The following XKR9 variants were observed in gnomAD, a reference collection of about 807,000 sequenced individuals.
XKR9 encodes the protein XK-related protein 9.
In XKR9, 32 loss-of-function variants were observed where a neutral mutation model predicts 32.0. The ratio of observed to expected loss-of-function variants is 1.00; its 90% confidence interval spans 0.76 to 1.34. The LOEUF is 1.34. Among genes scored for constraint, XKR9 ranks in the 40% most tolerant of loss-of-function variants. The pLI is 0.00. For synonymous variants in XKR9, 168 were observed against 143.4 expected, an observed-to-expected ratio of 1.17 and a Z score of -1.22; for missense variants, 546 against 429.7, an observed-to-expected ratio of 1.27 and a Z score of -2.39.
chr8:70,697,375 T>G (rs1805321439), intron 3 of XKR9, among the ~76,000 whole-genome samples: 1 of 151,636 alleles, frequency 6.6e-6, no homozygotes, highest in African/African-American at 2.4e-5. Flanking sequence ...CCTAATTTAT[T>G]GAGAGTTTTT....
chr8:71,041,989 G>A, the XKR9 span, among the ~76,000 whole-genome samples: 2 of 152,172 alleles, frequency 1.3e-5, no homozygotes, highest in Non-Finnish European at 2.9e-5. Context: ...GAGGAAATAT[G>A]CCAATGAGGA....
chr8:70,780,955 T>C (rs1807607500), intron 2 of XKR9: 1 of 151,932 alleles, frequency 6.6e-6, no homozygotes, highest in African/African-American at 2.4e-5. Context: ...GTATACCAAC[T>C]TCAGTGATGC....
chr8:71,003,303 G>A, the XKR9 span, among the ~76,000 whole-genome samples: 18 of 152,092 alleles, frequency 1.2e-4, 1 homozygote, highest in African/African-American at 4.1e-4. Flanking sequence ...CAAATGAGTG[G>A]GGGGAAAAAG....
At chr8:71,024,136 T>A in the XKR9 span, among the ~76,000 whole-genome samples, 1 of 152,194 alleles carries the variant, frequency 6.6e-6, no homozygotes, top group South Asian at 2.1e-4. Context: ...TCCTGTTCAA[T>A]GTGTTTGGGT....
intron 4 of XKR9, among the ~76,000 whole-genome samples, chr8:70,733,558 A>C (rs1806742841): frequency 6.6e-6 from 1 of 152,248 alleles, no homozygotes; most frequent in African/African-American, 2.4e-5. Flanking sequence ...CTTTGGAATC[A>C]GGTTCAAATC....
the XKR9 span, among the ~76,000 whole-genome samples, chr8:70,894,148 A>G: frequency 8.6e-5 from 13 of 151,888 alleles, no homozygotes; most frequent in Non-Finnish European, 1.5e-5. Flanking sequence ...AATAGATCTC[A>G]GTGGCAACTT....
At chr8:70,798,733 A>G in the XKR9 span, among the ~76,000 whole-genome samples, 1 of 152,242 alleles carries the variant, frequency 6.6e-6, no homozygotes, top group Admixed American at 6.5e-5. Flanking sequence ...TACATGGTGT[A>G]AGGAAGAGGT....
In XKR9 at chr8:70,735,699, T is replaced by A. The variant is rs1358634094; in HGVS notation, c.*1275T>A. ...TCATTGTTCAGTTCCCACCTATGAG[T>A]GAGAATATGCAGTGTTTGGTTTTTT... is the stretch of plus-strand genomic sequence containing the variant. On this transcript the variant is annotated 3_prime_UTR_variant, in exon 5 of 5. Transcript: ENST00000408926. The A allele has an allele frequency of 6.8e-6, 1 of 146,046 alleles. No individual in the cohort carries two copies. Among genetic ancestry groups the A allele is most frequent in the African/African-American group, 2.5e-5 (1 of 39,518 alleles). 9.0% of individuals were successfully genotyped at this position (146,046 alleles called of 1,614,324 possible).
chr8:71,031,011 C>T, the XKR9 span, among the ~76,000 whole-genome samples: 7 of 152,010 alleles, frequency 4.6e-5, no homozygotes, highest in African/African-American at 1.7e-4. Flanking sequence ...GAAATAAATT[C>T]TCCTCCTCCT....
rs1248689791 is a variant in XKR9, at chr8:70,680,735, A to G, written c.-278-46A>G. 3.0e-5 allele frequency: 5 copies of G among 168,014 alleles called. No homozygotes were observed. In the Admixed American group the frequency reaches 3.0e-4, roughly 10 times the overall value. 10.4% of individuals were successfully genotyped at this position (168,014 alleles called of 1,614,324 possible). On this transcript the variant is annotated intron_variant, in intron 2 of 4. Coordinates refer to ENST00000408926, the MANE Select transcript of XKR9 (RefSeq NM_001011720.2). ...AAAATCATTGCCAAGCGTTTTTAATATTATACTTAAGATATTTTGGAACTT... is the reference window on the plus strand; with the variant it reads ...AAAATCATTGCCAAGCGTTTTTAATGTTATACTTAAGATATTTTGGAACTT...
At chr8:70,811,284 C>T in the XKR9 span, among the ~76,000 whole-genome samples, 3 of 152,020 alleles carry the variant, frequency 2.0e-5, no homozygotes, top group Admixed American at 2.0e-4. Flanking sequence ...GGGACACATT[C>T]AAAGCAGTGT....
At chr8:70,833,198 G>A in the XKR9 span, among the ~76,000 whole-genome samples, 1 of 152,176 alleles carries the variant, frequency 6.6e-6, no homozygotes, top group East Asian at 1.9e-4. Flanking sequence ...TCTGCAGATG[G>A]TGGAAAGAAA....
intron 1 of XKR9, among the ~76,000 whole-genome samples, chr8:70,671,941 C>G (rs2132092792): frequency 1.6e-5 from 1 of 64,206 alleles, no homozygotes; most frequent in East Asian, 2.4e-4. Context: ...AAACAGAGAG[C>G]CAAATCATGG....
At chr8:70,951,072 T>C in the XKR9 span, among the ~76,000 whole-genome samples, 1 of 152,192 alleles carries the variant, frequency 6.6e-6, no homozygotes, top group South Asian at 2.1e-4. Context: ...ATTATTCCTT[T>C]TATTGCAGCT....
At chr8:70,876,386 A>T in the XKR9 span, among the ~76,000 whole-genome samples, 1 of 151,862 alleles carries the variant, frequency 6.6e-6, no homozygotes, top group South Asian at 2.1e-4. Context: ...TAATTTTTGT[A>T]TTTTTAGTAG....
chr8:70,753,485 T>C (rs1807172080), intron 2 of XKR9, among the ~76,000 whole-genome samples: 1 of 152,168 alleles, frequency 6.6e-6, no homozygotes, highest in Non-Finnish European at 1.5e-5. Context: ...TAGACCAATA[T>C]CCTTGATGAA....
At chr8:70,916,951 A>C in the XKR9 span, among the ~76,000 whole-genome samples, 1 of 151,808 alleles carries the variant, frequency 6.6e-6, no homozygotes, top group Non-Finnish European at 1.5e-5. Context: ...TCATTAAAAC[A>C]TTTTTATTTT....
the XKR9 span, among the ~76,000 whole-genome samples, chr8:70,840,964 A>C: frequency 6.6e-6 from 1 of 152,202 alleles, no homozygotes. Context: ...TTTTGAGTCT[A>C]AATTCACAGG....
chr8:70,913,197 A>G, the XKR9 span, among the ~76,000 whole-genome samples: 4 of 152,176 alleles, frequency 2.6e-5, no homozygotes, highest in East Asian at 1.9e-4. Context: ...TACATTTTAA[A>G]TGTTTCCCAG....
Sources: gnomAD v4.1 joint callset for allele counts (sites outside exome capture counted in the v4.1 genomes callset) on GRCh38, gnomAD v4.1.1 for gene constraint, MANE v1.5 for transcripts, NCBI Gene and HGNC (gene_info 2026-07-23, HGNC 2026-07-21) for gene names.